The following NDUFAF7 variants were observed in gnomAD, a reference collection of about 807,000 sequenced individuals.
NDUFAF7 encodes NADH:ubiquinone oxidoreductase complex assembly factor 7.
Under a neutral mutation model 47.2 loss-of-function variants are expected in NDUFAF7, and 48 were observed. That is an observed-to-expected ratio of 1.02 (90% CI 0.81 to 1.29). The LOEUF (loss-of-function observed/expected upper bound fraction) is 1.29, where lower values mean the gene tolerates loss of function less well. NDUFAF7 is among the 50% of genes most tolerant of loss of function. The pLI is 0.00. For missense variants in NDUFAF7, 635 were observed against 537.6 expected, an observed-to-expected ratio of 1.18 and a Z score of -1.79; for synonymous variants, 217 against 190.0, an observed-to-expected ratio of 1.14 and a Z score of -1.17.
At chr2:37,270,056 C>T in the NDUFAF7 span, among the ~76,000 whole-genome samples, 2 of 152,114 alleles carry the variant, frequency 1.3e-5, no homozygotes, top group South Asian at 4.2e-4. Context: ...GGAGAAACCC[C>T]ATCTCTACTA....
At chr2:37,249,726 TTA>T (rs1468720467), downstream of NDUFAF7, among the ~76,000 whole-genome samples, 2 of 151,654 alleles carry the variant, frequency 1.3e-5, no homozygotes, top group Non-Finnish European at 2.9e-5. Flanking sequence ...TAGTTCTGTA[TTA>T]TGTTTTCATT....
At chr2:37,247,651 T>G (rs1231531898) in intron 9 of NDUFAF7, 22 bp downstream of exon 9, 1 of 1,611,726 alleles carries the variant, frequency 6.2e-7, no homozygotes, top group Non-Finnish European at 8.5e-7. Flanking sequence ...TTTATTTCAC[T>G]GTTATTAAGT....
the NDUFAF7 span, among the ~76,000 whole-genome samples, chr2:37,270,367 A>AAC: frequency 1.9e-4 from 29 of 150,284 alleles, no homozygotes; most frequent in Non-Finnish European, 3.5e-4. Flanking sequence ...AAAAAAAAAA[A>AAC]ACTCAAAAGT....
In NDUFAF7 at chr2:37,232,264, A is replaced by C; in HGVS notation, c.214A>C (p.Lys72Gln). The change falls in exon 2 of 10, where the codon AAG becomes CAG. Residue 72 changes from lysine (K) to glutamine (Q), a missense_variant and splice_region_variant. Coordinates refer to ENST00000002125, the MANE Select transcript of NDUFAF7 (RefSeq NM_144736.5). ...GAAGGAGGTGTTGACTAATCCAGCC[A>C]AGGTATGGGTCGGGTAGCCCGAGGA... Reference protein sequence around the residue: ...YMKEVLTNPAKGYYVYRDMLG... With the variant: ...YMKEVLTNPAQGYYVYRDMLG... The C allele has an allele frequency of 6.2e-7, 1 of 1,612,804 alleles. No individual in the cohort carries two copies. Among genetic ancestry groups the C allele is most frequent in the Non-Finnish European group, 8.5e-7 (1 of 1,179,986 alleles).
intron 4 of NDUFAF7, among the ~76,000 whole-genome samples, chr2:37,240,866 C>T (rs935441779): frequency 6.6e-6 from 1 of 152,064 alleles, no homozygotes; most frequent in African/African-American, 2.4e-5. Context: ...ATTTGTATTT[C>T]GATCTCAAAA....
At chr2:37,255,756 A>T (rs983345642), downstream of NDUFAF7, among the ~76,000 whole-genome samples, 2 of 152,234 alleles carry the variant, frequency 1.3e-5, no homozygotes, top group Non-Finnish European at 2.9e-5. Flanking sequence ...CTGTAATCCC[A>T]GCACTTTGGG....
At chr2:37,255,840 T>C (rs1157288388), downstream of NDUFAF7, among the ~76,000 whole-genome samples, 3 of 152,022 alleles carry the variant, frequency 2.0e-5, no homozygotes, top group Non-Finnish European at 2.9e-5. Flanking sequence ...ACCCCATCTC[T>C]ACAAAAAATT....
At chr2:37,250,229 CTG>C (rs1422180583), downstream of NDUFAF7, among the ~76,000 whole-genome samples, 1 of 151,950 alleles carries the variant, frequency 6.6e-6, no homozygotes, top group East Asian at 1.9e-4. Flanking sequence ...TTCTAGATTC[CTG>C]TATTTGTTTT....
chr2:37,242,649 C>A lies in NDUFAF7; in HGVS notation c.637C>A (p.Leu213Ile). Reference protein sequence around the residue: ...HDVPKGYSFYLAHEFFDVLPV... With the variant: ...HDVPKGYSFYIAHEFFDVLPV... ...TTTTTAAATAGGGTACAGCTTTTAT[C>A]TTGCACATGAATTTTTTGATGTTCT... Residue 213 changes from leucine (L) to isoleucine (I), a missense_variant, in exon 6 of 10, where the codon CTT (leucine) becomes ATT (isoleucine). Transcript: ENST00000002125. 1 of 1,598,996 alleles carries A rather than the reference C, an allele frequency of 6.3e-7. No homozygotes were observed. Among genetic ancestry groups the A allele is most frequent in the Non-Finnish European group, 8.6e-7 (1 of 1,166,752 alleles).
At chr2:37,256,627 A>ATTT (rs1385820838), downstream of NDUFAF7, 4 of 1,247,280 alleles carry the variant, frequency 3.2e-6, no homozygotes, top group Admixed American at 3.3e-5. Flanking sequence ...ACATAGCCAA[A>ATTT]ATTTTTTTTT....
intron 5 of NDUFAF7, chr2:37,242,303 C>T (rs1482083894): frequency 1.8e-5 from 5 of 284,332 alleles, no homozygotes; most frequent in Non-Finnish European, 3.3e-5. Flanking sequence ...GCCATTCCTG[C>T]CTCAGCCTTC....
chr2:37,236,662 T>C (rs1469751404), intron 3 of NDUFAF7, among the ~76,000 whole-genome samples: 3 of 151,424 alleles, frequency 2.0e-5, no homozygotes, highest in African/African-American at 4.9e-5. Context: ...TCGCCTGTAG[T>C]CCCAGCTACT....
downstream of NDUFAF7, among the ~76,000 whole-genome samples, chr2:37,255,576 A>G (rs1368075710): frequency 6.6e-6 from 1 of 152,204 alleles, no homozygotes; most frequent in Non-Finnish European, 1.5e-5. Context: ...AGGAGAGAGG[A>G]AAACAAACTG....
downstream of NDUFAF7, chr2:37,252,732 A>G (rs1306558188): frequency 2.0e-5 from 3 of 151,912 alleles, no homozygotes; most frequent in Admixed American, 2.0e-4. Flanking sequence ...CTTAAATACA[A>G]GCCTGTCGAG....
chr2:37,244,268 G>A (rs1039668138), intron 7 of NDUFAF7, among the ~76,000 whole-genome samples: 3 of 152,136 alleles, frequency 2.0e-5, no homozygotes, highest in African/African-American at 4.8e-5. Flanking sequence ...AAATGGTAAT[G>A]GTATTGTCCA....
chr2:37,260,168 A>G, the NDUFAF7 span: 1 of 1,504,120 alleles, frequency 6.6e-7, no homozygotes, highest in Non-Finnish European at 9.1e-7. Context: ...TTGTCTTAAA[A>G]AAAAAAAAAT....
chr2:37,235,323 A>G (rs1665639259), intron 2 of NDUFAF7, among the ~76,000 whole-genome samples: 1 of 152,190 alleles, frequency 6.6e-6, no homozygotes, highest in South Asian at 2.1e-4. Flanking sequence ...ATAAACCACA[A>G]GTTTACAGCT....
At chr2:37,263,813 T>A in the NDUFAF7 span, among the ~76,000 whole-genome samples, 1 of 152,316 alleles carries the variant, frequency 6.6e-6, no homozygotes, top group African/African-American at 2.4e-5. Context: ...GAAATCTACA[T>A]GATTTTATAG....
downstream of NDUFAF7, among the ~76,000 whole-genome samples, chr2:37,255,972 C>T (rs1304668515): frequency 6.6e-6 from 1 of 152,056 alleles, no homozygotes; most frequent in Admixed American, 6.6e-5. Flanking sequence ...TGTGTTTGTG[C>T]ACACTTCAGC....
Sources: allele counts gnomAD v4.1 joint callset (sites outside exome capture counted in the v4.1 genomes callset), GRCh38; gene constraint gnomAD v4.1.1; transcripts MANE v1.5; gene names NCBI Gene and HGNC (gene_info 2026-07-23, HGNC 2026-07-21).